MYO10: variants seen among roughly 807,000 people sequenced by gnomAD.
MYO10 encodes the protein unconventional myosin-X.
MYO10 carries 133 observed loss-of-function variants against 257.3 expected under a neutral mutation model. The observed-to-expected ratio is 0.52, with a 90% CI of 0.45 to 0.60. MYO10 has a LOEUF of 0.60. Ranked by LOEUF, MYO10 falls within the 20% of genes least tolerant of loss-of-function variation. MYO10 has a pLI of 0.00. For synonymous variants in MYO10, 1,104 were observed against 1,028.6 expected (o/e 1.07, Z -1.40); for missense variants, 2,399 against 2,635.7 (o/e 0.91, Z 1.97).
Position 16,792,132 on chromosome 5 carries a change from C to CACACACAGAG in MYO10, c.467+2513_467+2514insCTCTGTGTGT, listed in dbSNP as rs755315207. ...ACATACACACACACACACACACACACAGAGAGAGAGAGAGAGAGAGAGAGA... is the reference window on the plus strand; with the variant it reads ...ACATACACACACACACACACACACACACACACAGAGAGAGAGAGAGAGAGAGAGAGAGAGA... On this transcript the variant is annotated intron_variant, in intron 4 of 40. Coordinates refer to ENST00000513610, the MANE Select transcript of MYO10 (RefSeq NM_012334.3). 2.4e-3 allele frequency among the ~76,000 whole-genome samples: 184 copies of CACACACAGAG among 75,362 alleles called. 1 individual carries two copies. Among genetic ancestry groups the CACACACAGAG allele is most frequent in the African/African-American group, 6.0e-3 (173 of 28,604 alleles). 49.4% of individuals were successfully genotyped at this position (75,362 alleles called of 152,430 possible).
intron 1 of MYO10, among the ~76,000 whole-genome samples, chr5:16,889,598 A>G (rs1357024957): frequency 6.6e-6 from 1 of 151,714 alleles, no homozygotes; most frequent in Non-Finnish European, 1.5e-5. Flanking sequence ...GCCAAGAAAG[A>G]CAAGTAAGTA....
Position 16,703,171 on chromosome 5 carries a change from G to C in MYO10, c.2277-13C>G, listed in dbSNP as rs777101395. 2 of 1,563,482 alleles carry C rather than the reference G, an allele frequency of 1.3e-6. No homozygotes were observed. Among genetic ancestry groups the C allele is most frequent in the East Asian group, 4.5e-5 (2 of 44,032 alleles). ...TCTGTATTGTTTTCTGAAAATGAAA[G>C]AAAACAAGAGAATCGGCATTGAAGT... On this transcript the variant is annotated splice_polypyrimidine_tract_variant and intron_variant, in intron 22 of 40. Transcript: ENST00000513610.
chr5:16,933,321 C>G (rs190906710), intron 1 of MYO10, among the ~76,000 whole-genome samples: 8 of 152,334 alleles, frequency 5.3e-5, no homozygotes, highest in Admixed American at 5.2e-4. Flanking sequence ...CAAAGAATTA[C>G]TCAGCAATGG....
intron 4 of MYO10, among the ~76,000 whole-genome samples, chr5:16,789,571 TGAG>T (rs1741692261): frequency 6.6e-6 from 1 of 152,214 alleles, no homozygotes; most frequent in African/African-American, 2.4e-5. Context: ...GCAGATCATT[TGAG>T]GTCAGGAGTT....
chr5:16,838,112 A>G (rs1235608987), intron 2 of MYO10, among the ~76,000 whole-genome samples: 1 of 152,140 alleles, frequency 6.6e-6, no homozygotes, highest in South Asian at 2.1e-4. Context: ...GGGCCAATGA[A>G]ATAACCCCAC....
rs561007225 is a variant in MYO10, at chr5:16,813,471, C to G, written c.279+4538G>C. Among the ~76,000 whole-genome samples the G allele has an allele frequency of 4.9e-4, 74 of 151,610 alleles. 1 individual carries two copies. The highest frequency in any genetic ancestry group is 8.7e-4 in the Non-Finnish European group (59 of 67,942). ...CTCAGGCGAGAGGATCACTGGAGCC[C>G]AGGAGTGAGTTAGAGGCTGCAGGGA... On this transcript the variant is annotated intron_variant, in intron 3 of 40. Transcript: ENST00000513610.
chr5:16,682,111 G>T, intron 30 of MYO10, 98 bp from the exon 31 acceptor site: 1 of 1,419,128 alleles, frequency 7.0e-7, no homozygotes, highest in South Asian at 1.3e-5. Context: ...CTGGCTTCTG[G>T]GTCACGGGAT....
chr5:16,673,961 C>T lies in MYO10; in HGVS notation c.4965-72G>A, dbSNP rs1363699713. ...GCTGCTGGGAGGAACTAGGCTGTGC[C>T]AAGGTTCTGTAGACCAAAGCAGTGA... On this transcript the variant is annotated intron_variant, in intron 35 of 40. Transcript: ENST00000513610. 2.1e-6 allele frequency: 3 copies of T among 1,413,102 alleles called. No individual in the cohort carries two copies. In the African/African-American group the frequency reaches 4.3e-5, roughly 20 times the overall value. The allele number at this position is 1,413,102 out of a possible 1,614,324, so 87.5% of individuals were successfully genotyped here.
intron 2 of MYO10, among the ~76,000 whole-genome samples, chr5:16,841,005 C>A (rs253337): frequency 2.6e-5 from 4 of 151,522 alleles, no homozygotes; most frequent in African/African-American, 9.7e-5. Flanking sequence ...ATTAGCCGGG[C>A]GTGGTGGCAG....
At chr5:16,749,631 T>C (rs1740324931) in intron 19 of MYO10, among the ~76,000 whole-genome samples, 1 of 152,202 alleles carries the variant, frequency 6.6e-6, no homozygotes, top group Non-Finnish European at 1.5e-5. Context: ...GAGGGTATTG[T>C]TCTGTCAAGT....
At chr5:16,672,611 T>G (rs755265574) in intron 37 of MYO10, 78 bp downstream of exon 37, 2 of 1,542,664 alleles carry the variant, frequency 1.3e-6, no homozygotes, top group African/African-American at 2.7e-5. Flanking sequence ...ACAAATGGAA[T>G]GGGAAGCTCA....
intron 2 of MYO10, among the ~76,000 whole-genome samples, chr5:16,863,815 G>A (rs1019042368): frequency 2.6e-5 from 4 of 152,160 alleles, no homozygotes; most frequent in Admixed American, 1.3e-4. Context: ...GTGAAACTCC[G>A]GGCCAGGTGC....
intron 1 of MYO10, among the ~76,000 whole-genome samples, chr5:16,920,465 A>C (rs768755800): frequency 6.6e-6 from 1 of 152,178 alleles, no homozygotes; most frequent in African/African-American, 2.4e-5. Context: ...TCAAATAACA[A>C]AACTATAGAG....
chr5:16,797,702 A>T (rs1413912318), intron 3 of MYO10, among the ~76,000 whole-genome samples: 1 of 152,238 alleles, frequency 6.6e-6, no homozygotes, highest in African/African-American at 2.4e-5. Context: ...TAAGCCAGAC[A>T]CAAAAGTTCA....
intron 3 of MYO10, among the ~76,000 whole-genome samples, chr5:16,807,507 A>G (rs1372256292): frequency 1.3e-5 from 2 of 152,184 alleles, no homozygotes; most frequent in South Asian, 2.1e-4. Context: ...CCCAAAACGC[A>G]TGCTTAAAGT....
At chr5:16,758,384 A>T (rs1740598305) in intron 17 of MYO10, among the ~76,000 whole-genome samples, 158 bp from the exon 18 acceptor site, 1 of 152,152 alleles carries the variant, frequency 6.6e-6, no homozygotes, top group Non-Finnish European at 1.5e-5. Context: ...CAAACCAAAC[A>T]CTGCCAAAGA....
intron 10 of MYO10, among the ~76,000 whole-genome samples, chr5:16,768,672 T>C (rs908676540): frequency 7.7e-6 from 1 of 129,306 alleles, no homozygotes; most frequent in Non-Finnish European, 1.6e-5. Flanking sequence ...TTCTTTTTTT[T>C]TTTTTTTTTT....
chr5:16,669,343 A>G (rs1736331762), intron 39 of MYO10, among the ~76,000 whole-genome samples: 1 of 151,974 alleles, frequency 6.6e-6, no homozygotes, highest in Non-Finnish European at 1.5e-5. Context: ...CCTCTCGAGT[A>G]GCTGGGATTA....
At chr5:16,738,423 T>A (rs2126628195) in intron 19 of MYO10, 2 of 985,220 alleles carry the variant, frequency 2.0e-6, no homozygotes, top group African/African-American at 3.5e-5. Context: ...AAGAAAATAG[T>A]CACAGACTCT....
Sources: allele counts gnomAD v4.1 joint callset (sites outside exome capture counted in the v4.1 genomes callset), GRCh38; gene constraint gnomAD v4.1.1; transcripts MANE v1.5; gene names NCBI Gene and HGNC (gene_info 2026-07-23, HGNC 2026-07-21).